The following COL12A1 variants were observed in gnomAD, a reference collection of about 807,000 sequenced individuals.
COL12A1 encodes the protein collagen alpha-1(XII) chain.
COL12A1 carries 114 observed loss-of-function variants against 349.7 expected under a neutral mutation model. The observed-to-expected ratio is 0.33, with a 90% confidence interval of 0.28 to 0.38. The LOEUF (loss-of-function observed/expected upper bound fraction) is 0.38. Ranked by LOEUF, COL12A1 falls within the 10% of genes least tolerant of loss-of-function variation. The pLI, the probability that COL12A1 is intolerant of heterozygous loss-of-function variation, is 1.00. For missense variants in COL12A1, 3,284 were observed against 3,756.9 expected, an observed-to-expected ratio of 0.87 and a Z score of 3.29; for synonymous variants, 1,369 against 1,329.0, an observed-to-expected ratio of 1.03 and a Z score of -0.66.
chr6:75,113,898 C>A (rs1768958172), intron 49 of COL12A1, among the ~76,000 whole-genome samples, 154 bp from the exon 50 acceptor site: 1 of 151,854 alleles, frequency 6.6e-6, no homozygotes, highest in African/African-American at 2.4e-5. Flanking sequence ...TTATACTAAT[C>A]TGGCTCCTTC....
At chr6:75,155,517 A>G in intron 16 of COL12A1, 145 bp downstream of exon 16, 1 of 844,794 alleles carries the variant, frequency 1.2e-6, no homozygotes, top group Non-Finnish European at 1.7e-6. Context: ...CAAGCATAAG[A>G]AAACAGCTTT....
At chr6:75,102,085 C>T (rs143690960) in intron 56 of COL12A1, 33 bp from the exon 57 acceptor site, 45 of 1,604,732 alleles carry the variant, frequency 2.8e-5, no homozygotes, top group Non-Finnish European at 3.5e-5. Context: ...AGTTCTCAGG[C>T]GTTTCACAGA....
At chr6:75,134,141 A>G in intron 32 of COL12A1, 144 bp from the exon 33 acceptor site, 1 of 856,182 alleles carries the variant, frequency 1.2e-6, no homozygotes, top group Non-Finnish European at 1.8e-6. Flanking sequence ...AACGACACAC[A>G]CTGTGTCCGC....
At chr6:75,124,932 C>G (rs577470626) in intron 40 of COL12A1, among the ~76,000 whole-genome samples, 195 bp downstream of exon 40, 1 of 152,114 alleles carries the variant, frequency 6.6e-6, no homozygotes, top group South Asian at 2.1e-4. Context: ...AAATTTCTCA[C>G]CATATATATT....
chr6:75,194,947 A>T lies in COL12A1; in HGVS notation c.74T>A (p.Val25Asp). ...ALLLSSIEAE[V>D]DPPSDLNFKI... is the part of the protein sequence containing the mutation. ...AAAATTCAAGTCTGAAGGTGGGTCA[A>T]CTGCAAAAGAGAGAGTTTATATTAT... The change falls in exon 3 of 66, where the codon GTT becomes GAT. Residue 25 changes from valine to aspartate, a missense_variant and splice_region_variant. By Grantham distance (152) the Val-to-Asp change is radical (BLOSUM62 -3). Transcript: ENST00000322507. 1.3e-6 allele frequency: 2 copies of T among 1,538,062 alleles called. No homozygotes were observed. The highest frequency in any genetic ancestry group is 1.8e-6 in the Non-Finnish European group (2 of 1,118,636).
At chr6:75,135,295 C>T (rs183930817) in intron 31 of COL12A1, among the ~76,000 whole-genome samples, 31 of 152,282 alleles carry the variant, frequency 2.0e-4, no homozygotes, top group Admixed American at 9.8e-4. Flanking sequence ...TTTAGAAACA[C>T]ATTAAAATGA....
chr6:75,117,652 T>G, intron 46 of COL12A1, 106 bp from the exon 47 acceptor site: 1 of 1,219,448 alleles, frequency 8.2e-7, no homozygotes, highest in Non-Finnish European at 1.1e-6. Context: ...ATTTTCTTAA[T>G]GTATGCAGCA....
intron 27 of COL12A1, 43 bp from the exon 28 acceptor site, chr6:75,139,004 G>A (rs1345928485): frequency 2.5e-6 from 4 of 1,605,780 alleles, no homozygotes; most frequent in Admixed American, 1.7e-5. Flanking sequence ...TTGAATGTGA[G>A]CTGCAAATGC....
Position 75,134,835 on chromosome 6 carries a change from C to T in COL12A1, c.5415G>A (p.Gln1805=), listed in dbSNP as rs750914354. 4 of 1,611,670 alleles carry T rather than the reference C, an allele frequency of 2.5e-6. No homozygotes were observed. The highest frequency in any genetic ancestry group is 1.7e-5 in the Admixed American group (1 of 60,010). The part of the protein sequence containing the change: ...NEQTTTIGGR[Q]NSVVLQKLKP... Reference sequence around the variant, plus strand: ...TCAGTTTCTGCAGGACCACACTGTTCTGCCGTCCTCCTATTGTGGTCTTGA... The same window carrying T: ...TCAGTTTCTGCAGGACCACACTGTTTTGCCGTCCTCCTATTGTGGTCTTGA... The change falls in exon 32 of 66, where the codon CAG becomes CAA. Residue 1805 remains glutamine, a synonymous_variant. Coordinates refer to ENST00000322507, the MANE Select transcript of COL12A1 (RefSeq NM_004370.6).
At chr6:75,147,597 G>T (rs1767263921) in intron 23 of COL12A1, 78 bp downstream of exon 23, 3 of 1,335,592 alleles carry the variant, frequency 2.2e-6, no homozygotes, top group Non-Finnish European at 3.1e-6. Context: ...AAATTATTTG[G>T]AAGGTAGGCA....
chr6:75,119,479 G>A lies in COL12A1; in HGVS notation c.7087-6C>T. The A allele has an allele frequency of 3.8e-6, 6 of 1,597,502 alleles. No homozygotes were observed. The highest frequency in any genetic ancestry group is 4.3e-6 in the Non-Finnish European group (5 of 1,172,768). On this transcript the variant is annotated splice_polypyrimidine_tract_variant and splice_region_variant and intron_variant, in intron 44 of 65. Transcript: ENST00000322507. ...CTGTATTGCACAAATGAAACCTGAA[G>A]GAAAATGTGATTTGGCAGTGAGCAT...
intron 57 of COL12A1, 136 bp from the exon 58 acceptor site, chr6:75,101,789 G>T: frequency 2.8e-6 from 3 of 1,063,886 alleles, no homozygotes; most frequent in Non-Finnish European, 2.8e-6. Context: ...CAAGCACATT[G>T]CCAAGCATAC....
intron 2 of COL12A1, among the ~76,000 whole-genome samples, chr6:75,201,639 A>C (rs1028961074): frequency 1.3e-5 from 2 of 152,146 alleles, no homozygotes; most frequent in East Asian, 1.9e-4. Context: ...GAAAAAAAAA[A>C]AAGATATCTT....
At chr6:75,139,429 A>G (rs905124308) in intron 27 of COL12A1, among the ~76,000 whole-genome samples, 10 of 152,246 alleles carry the variant, frequency 6.6e-5, no homozygotes, top group Non-Finnish European at 1.3e-4. Context: ...ATGATGCTCA[A>G]GGAAATAGTT....
intron 51 of COL12A1, among the ~76,000 whole-genome samples, chr6:75,109,800 T>C (rs1173681230): frequency 1.3e-5 from 2 of 152,120 alleles, no homozygotes; most frequent in African/African-American, 4.8e-5. Context: ...TCTATTAGTA[T>C]AGATAATTAA....
rs1290922955 is a variant in COL12A1, at chr6:75,131,976, C to T, written c.5901G>A (p.Val1967=). 6.2e-7 allele frequency: 1 copy of T among 1,613,986 alleles called. No individual in the cohort carries two copies. Among genetic ancestry groups the T allele is most frequent in the African/African-American group, 1.3e-5 (1 of 74,892 alleles). ...APGPVLQYRV[V]YSPVDGTRPS... ...GTCTTGTGCCATCCACAGGAGAATA[C>T]ACAACGCGATATTGCAGCACAGGTC... Residue 1967 remains valine, a synonymous_variant, in exon 35 of 66, where the codon GTG becomes GTA. Transcript: ENST00000322507.
rs1769227051 is a variant in COL12A1 at position 75,119,101 on chromosome 6, G to A, written c.7296C>T (p.Val2432=). Residue 2432 remains valine, a synonymous_variant, in exon 46 of 66, where the codon GTC becomes GTT. Transcript: ENST00000322507. The stretch of plus-strand genomic sequence containing the variant: ...CCTCATCCTGGGACCGACCGTCCGT[G>A]ACCACAACCAACACCTTAGGGACAT... ...RKNVPKVLVV[V]TDGRSQDEVK... The A allele has an allele frequency of 1.2e-6, 2 of 1,613,930 alleles. No individual in the cohort carries two copies. Among genetic ancestry groups the A allele is most frequent in the African/African-American group, 2.7e-5 (2 of 75,000 alleles).
intron 2 of COL12A1, among the ~76,000 whole-genome samples, chr6:75,197,852 A>G (rs1369495218): frequency 6.6e-6 from 1 of 152,234 alleles, no homozygotes; most frequent in East Asian, 1.9e-4. Context: ...ACGCTATGCT[A>G]CGAAGACTCA....
At chr6:75,097,155 C>T in intron 59 of COL12A1, 98 bp downstream of exon 59, 2 of 940,890 alleles carry the variant, frequency 2.1e-6, no homozygotes, top group Non-Finnish European at 3.4e-6. Flanking sequence ...ATATACTCCA[C>T]AGCACAGATG....
Sources: gnomAD v4.1 joint callset for allele counts (sites outside exome capture counted in the v4.1 genomes callset) on GRCh38, gnomAD v4.1.1 for gene constraint, MANE v1.5 for transcripts, NCBI Gene and HGNC (gene_info 2026-07-23, HGNC 2026-07-21) for gene names.